SAXO2: variants seen among roughly 807,000 people sequenced by gnomAD.
SAXO2 encodes the protein stabilizer of axonemal microtubules 2.
Under a neutral mutation model 18.7 loss-of-function variants are expected in SAXO2, and 17 were observed. The observed-to-expected ratio is 0.91, with a 90% confidence interval of 0.62 to 1.36. The LOEUF is 1.36. SAXO2 is among the 40% of genes most tolerant of loss of function. The probability of loss-of-function intolerance (pLI) is 0.00; values close to 1 mark genes in which losing one functional copy is unlikely to be tolerated. For missense variants in SAXO2, 486 were observed against 562.6 expected, an observed-to-expected ratio of 0.86 and a Z score of 1.38; for synonymous variants, 163 against 181.2, an observed-to-expected ratio of 0.90 and a Z score of 0.81.
intron 2 of SAXO2, among the ~76,000 whole-genome samples, chr15:82,266,984 A>G (rs969934569): frequency 6.6e-6 from 1 of 152,170 alleles, no homozygotes; most frequent in Non-Finnish European, 1.5e-5. Context: ...TAAGTATTAC[A>G]TTTACTCATT....
In SAXO2 at chr15:82,271,769, A is replaced by T; in HGVS notation, c.400A>T (p.Lys134Ter). The T allele has an allele frequency of 1.2e-6, 2 of 1,614,100 alleles. No individual in the cohort carries two copies. Among genetic ancestry groups the T allele is most frequent in the Non-Finnish European group, 1.7e-6 (2 of 1,179,964 alleles). ...IVRPLERQVKKGKLDTVPTYK... is the reference protein window; with the variant it reads ...IVRPLERQVK ...CCGGCCTTTGGAGAGACAAGTTAAA[A>T]AAGGAAAATTGGACACTGTCCCAAC... Residue 134 changes from lysine (K) to a stop codon, truncating the protein, a stop_gained, in exon 3 of 4, where the codon AAA (lysine) becomes TAA (stop). Transcript: ENST00000682753. LOFTEE classifies it low-confidence loss of function (END_TRUNC).
At chr15:82,269,572 T>C (rs2075251651) in intron 2 of SAXO2, among the ~76,000 whole-genome samples, 1 of 152,080 alleles carries the variant, frequency 6.6e-6, no homozygotes, top group Non-Finnish European at 1.5e-5. Flanking sequence ...TTTTTCTGTT[T>C]TGTTTTTTTG....
At chr15:82,271,474 A>AC (rs1240868369) in intron 2 of SAXO2, 129 bp from the exon 3 acceptor site, 33 of 751,856 alleles carry the variant, frequency 4.4e-5, no homozygotes, top group Non-Finnish European at 6.8e-5. Context: ...ATCAACTATT[A>AC]CCATTTTAAT....
At chr15:82,265,857 C>G (rs2075212046) in intron 2 of SAXO2, 109 bp downstream of exon 2, 1 of 718,492 alleles carries the variant, frequency 1.4e-6, no homozygotes, top group Non-Finnish European at 2.0e-6. Context: ...TTAAGTTGAA[C>G]CAATCTAATA....
At chr15:82,273,583 A>G (rs780389904) in intron 3 of SAXO2, among the ~76,000 whole-genome samples, 2 of 152,150 alleles carry the variant, frequency 1.3e-5, no homozygotes, top group Non-Finnish European at 2.9e-5. Context: ...ATACTACACA[A>G]AGAACAAATT....
chr15:82,271,511 A>AG (rs2075270446), intron 2 of SAXO2, 92 bp from the exon 3 acceptor site: 1 of 1,033,804 alleles, frequency 9.7e-7, no homozygotes, highest in African/African-American at 1.6e-5. Flanking sequence ...CCAGTAAAAA[A>AG]GAAAAAAAAG....
intron 3 of SAXO2, among the ~76,000 whole-genome samples, chr15:82,275,365 T>A (rs1268812670): frequency 6.7e-6 from 1 of 148,360 alleles, no homozygotes; most frequent in Non-Finnish European, 1.5e-5. Flanking sequence ...GAACAGCTGG[T>A]ACCAATCCTA....
intron 3 of SAXO2, among the ~76,000 whole-genome samples, chr15:82,279,407 G>T (rs1429967711): frequency 6.6e-6 from 1 of 152,208 alleles, no homozygotes; most frequent in African/African-American, 2.4e-5. Flanking sequence ...CTTAGCCTGA[G>T]ATGCCAAATT....
rs755567228 is a variant in SAXO2, at chr15:82,271,697, T to C, written c.328T>C (p.Tyr110His). 17 of 1,614,012 alleles carry C rather than the reference T, an allele frequency of 1.1e-5. No individual in the cohort carries two copies. The South Asian group carries it at 1.8e-4, about 17-fold the overall frequency. Residue 110 changes from tyrosine (Y) to histidine (H), a missense_variant, in exon 3 of 4, where the codon TAC (tyrosine) becomes CAC (histidine). Tyr to His is a moderately conservative substitution (Grantham distance 83, BLOSUM62 2). Transcript: ENST00000682753. ...AGGGAAGATTGATCTTGGTACTACC[T>C]ACAAACGGGATTTGAATTCGTATAA... is the stretch of plus-strand genomic sequence containing the variant. ...KQGKIDLGTT[Y>H]KRDLNSYKVQ...
intron 1 of SAXO2, chr15:82,263,464 A>ACC: frequency 1.4e-6 from 1 of 702,392 alleles, no homozygotes; most frequent in Non-Finnish European, 2.6e-6. Flanking sequence ...CCTGAAATCT[A>ACC]GAATCCAACT....
chr15:82,263,784 A>C (rs1442815651), intron 1 of SAXO2, among the ~76,000 whole-genome samples: 1 of 152,138 alleles, frequency 6.6e-6, no homozygotes, highest in African/African-American at 2.4e-5. Context: ...ATTTATATTC[A>C]ACGCAAGTTC....
In SAXO2 at chr15:82,282,676, C is replaced by CA; in HGVS notation, c.997dup (p.Arg333LysfsTer3). 1.9e-6 allele frequency: 3 copies of CA among 1,613,866 alleles called. No individual in the cohort carries two copies. In the South Asian group the frequency reaches 3.3e-5, roughly 18 times the overall value. On this transcript the variant is annotated frameshift_variant, in exon 4 of 4. Coordinates refer to ENST00000682753, the MANE Select transcript of SAXO2 (RefSeq NM_001348699.2). LOFTEE classifies it high-confidence loss of function. ...TGTTGTTCCCATCAGGCCAGTTTCT[C>CA]AAAAAAGAAGTAACAATTTTCCTTT...
At chr15:82,271,471 A>G (rs1375215519) in intron 2 of SAXO2, 132 bp from the exon 3 acceptor site, 1 of 735,830 alleles carries the variant, frequency 1.4e-6, no homozygotes. Flanking sequence ...TTTATCAACT[A>G]TTACCATTTT....
Position 82,263,703 on chromosome 15 carries a change from A to G in SAXO2, c.53+771A>G, listed in dbSNP as rs557565814. Among the ~76,000 whole-genome samples the G allele has an allele frequency of 5.3e-5, 8 of 152,358 alleles. No individual in the cohort carries two copies. In the South Asian group the frequency reaches 1.7e-3, roughly 32 times the overall value. ...TTCATAATTATATATAGATTAAAAT[A>G]TCAACAAATTAACTTTGGGTGTATG... On this transcript the variant is annotated intron_variant, in intron 1 of 3. Transcript: ENST00000682753.
rs528411425 is a variant in SAXO2 at position 82,284,772 on chromosome 15, T to C, written c.*1710T>C. 2.0e-5 allele frequency: 3 copies of C among 152,352 alleles called. No individual in the cohort carries two copies. The highest frequency in any genetic ancestry group is 6.5e-5 in the Admixed American group (1 of 15,308). The allele number at this position is 152,352 out of a possible 1,614,324, so 9.4% of individuals were successfully genotyped here. Reference sequence around the variant, plus strand: ...ATTTTAGTCTTTTATGGCTTCAGAATTATTTCAAAATATACTTTATTGAAA... The same window carrying C: ...ATTTTAGTCTTTTATGGCTTCAGAACTATTTCAAAATATACTTTATTGAAA... On this transcript the variant is annotated 3_prime_UTR_variant, in exon 4 of 4. Transcript: ENST00000682753.
intron 3 of SAXO2, among the ~76,000 whole-genome samples, chr15:82,277,010 A>G (rs182613148): frequency 5.9e-5 from 9 of 152,346 alleles, no homozygotes; most frequent in African/African-American, 2.2e-4. Context: ...CAGTAGTACA[A>G]AAGGCAAGAG....
rs956428300 is a variant in SAXO2 at position 82,265,617 on chromosome 15, G to C, written c.102G>C (p.Gly34=). ...CCACAAGGATTTATGAAAATTCTGG[G>C]GTGTTTTGCCCTACAACTGAATATT... ...RGTTRIYENS[G]VFCPTTEYLE... Residue 34 remains glycine, a synonymous_variant, in exon 2 of 4, where the codon GGG becomes GGC. Coordinates refer to ENST00000682753, the MANE Select transcript of SAXO2 (RefSeq NM_001348699.2). The C allele has an allele frequency of 3.2e-5, 46 of 1,434,664 alleles. No homozygotes were observed. The African/African-American group carries it at 5.6e-4, about 18-fold the overall frequency. 88.9% of individuals were successfully genotyped at this position (1,434,664 alleles called of 1,614,324 possible).
rs1239371757 is a variant in SAXO2 at position 82,284,045 on chromosome 15, T to A, written c.*983T>A. 1 of 152,242 alleles carries A rather than the reference T, an allele frequency of 6.6e-6. No individual in the cohort carries two copies. Among genetic ancestry groups the A allele is most frequent in the African/African-American group, 2.4e-5 (1 of 41,458 alleles). 9.4% of individuals were successfully genotyped at this position (152,242 alleles called of 1,614,324 possible). A position where few individuals can be genotyped will look rare whatever the true frequency, so the allele number is the denominator to read the frequency against. ...TGACTCATATCTCTGAGCCTCAGTG[T>A]CTTTATTTGTAAAATGATGTCTGTT... On this transcript the variant is annotated 3_prime_UTR_variant, in exon 4 of 4. Transcript: ENST00000682753.
chr15:82,264,092 G>A (rs1175812657), intron 1 of SAXO2, among the ~76,000 whole-genome samples: 2 of 113,132 alleles, frequency 1.8e-5, no homozygotes, highest in South Asian at 2.9e-4. Flanking sequence ...TTTTTTTTGA[G>A]ACAGAGTCTG....
Sources: allele counts gnomAD v4.1 joint callset (sites outside exome capture counted in the v4.1 genomes callset), GRCh38; gene constraint gnomAD v4.1.1; transcripts MANE v1.5; gene names NCBI Gene and HGNC (gene_info 2026-07-23, HGNC 2026-07-21).